The following VPS13A variants were observed in gnomAD, a reference collection of about 807,000 sequenced individuals.
VPS13A encodes intermembrane lipid transfer protein VPS13A.
Under a neutral mutation model 390.9 loss-of-function variants are expected in VPS13A, and 264 were observed. The ratio of observed to expected loss-of-function variants is 0.68; its 90% CI spans 0.61 to 0.75. VPS13A has a LOEUF of 0.75. VPS13A is among the 30% of genes least tolerant of loss of function. The pLI, the probability that VPS13A is intolerant of heterozygous loss-of-function variation, is 0.00. For synonymous variants in VPS13A, 1,231 were observed against 1,227.1 expected (o/e 1.00, Z -0.07); for missense variants, 3,409 against 3,733.9 (o/e 0.91, Z 2.27).
At chr9:77,323,333 C>A in intron 45 of VPS13A, 106 bp downstream of exon 45, 2 of 1,335,474 alleles carry the variant, frequency 1.5e-6, no homozygotes, top group Non-Finnish European at 2.1e-6. Context: ...TAAACCGTAA[C>A]AGTAATACAG....
intron 70 of VPS13A, 134 bp downstream of exon 70, chr9:77,406,121 G>GCTAT (rs1176135978): frequency 2.7e-5 from 31 of 1,165,544 alleles, no homozygotes; most frequent in East Asian, 2.2e-4. Flanking sequence ...CCTTATACCT[G>GCTAT]CTATCTTACC....
At chr9:77,322,704 A>T (rs1829816615) in intron 44 of VPS13A, among the ~76,000 whole-genome samples, 1 of 152,080 alleles carries the variant, frequency 6.6e-6, no homozygotes, top group Admixed American at 6.5e-5. Flanking sequence ...AAAATTAAAA[A>T]CAAAAATTGT....
intron 17 of VPS13A, among the ~76,000 whole-genome samples, chr9:77,235,358 G>C (rs1438441292): frequency 2.0e-5 from 3 of 152,076 alleles, no homozygotes; most frequent in Admixed American, 6.6e-5. Context: ...AGTGCTTTAA[G>C]TACATGATCT....
intron 1 of VPS13A, among the ~76,000 whole-genome samples, chr9:77,197,364 C>T (rs1433899334): frequency 6.6e-6 from 1 of 152,134 alleles, no homozygotes; most frequent in East Asian, 1.9e-4. Flanking sequence ...GTATTGAAGC[C>T]TTCTACTGCT....
rs140968897 is a variant in VPS13A, at chr9:77,191,444, C to T, written c.101-8501C>T. On this transcript the variant is annotated intron_variant, in intron 1 of 71. Transcript: ENST00000360280. ...CTGAGTAGCTGGGACTGCAGGTGTG[C>T]ACTCCTACACCTGGCTAATTTTTTT... Among the ~76,000 whole-genome samples the T allele has an allele frequency of 6.9e-4, 105 of 151,900 alleles. 2 individuals carry two copies. The South Asian group carries it at 0.022, about 31-fold the overall frequency.
intron 56 of VPS13A, 71 bp downstream of exon 56, chr9:77,357,909 A>G (rs1831907260): frequency 7.6e-7 from 1 of 1,319,268 alleles, no homozygotes; most frequent in Non-Finnish European, 1.1e-6. Context: ...ATCTATTCCC[A>G]TGGTCTGCTT....
rs1835169711 is a variant in VPS13A at position 77,416,339 on chromosome 9, A to C, written c.*333A>C. ...CATCTTTTTCTCTGTAATGGTGGAGAGGCTGCCCATAATTCATCTCCACAT... is the reference window on the plus strand; with the variant it reads ...CATCTTTTTCTCTGTAATGGTGGAGCGGCTGCCCATAATTCATCTCCACAT... On this transcript the variant is annotated 3_prime_UTR_variant, in exon 72 of 72. Coordinates refer to ENST00000360280, the MANE Select transcript of VPS13A (RefSeq NM_033305.3). 1 of 277,192 alleles carries C rather than the reference A, an allele frequency of 3.6e-6. No homozygotes were observed. Among genetic ancestry groups the C allele is most frequent in the Non-Finnish European group, 7.0e-6 (1 of 142,038 alleles). The allele number at this position is 277,192 out of a possible 1,614,324, so 17.2% of individuals were successfully genotyped here.
At chr9:77,232,164 G>A (rs977823076) in intron 17 of VPS13A, among the ~76,000 whole-genome samples, 2 of 152,066 alleles carry the variant, frequency 1.3e-5, no homozygotes, top group Admixed American at 1.3e-4. Flanking sequence ...TTTGATTACT[G>A]CAGATTTTTA....
At chr9:77,232,009 C>T (rs144375421) in intron 17 of VPS13A, among the ~76,000 whole-genome samples, 119 of 152,278 alleles carry the variant, frequency 7.8e-4, no homozygotes, top group South Asian at 2.7e-3. Flanking sequence ...AGACACTATT[C>T]TTTCCTCAAT....
chr9:77,272,229 C>T lies in VPS13A; in HGVS notation c.2428-1051C>T, dbSNP rs140884108. ...GATATAATTTGAAATCTTTGAACAC[C>T]CTAAGCATTGTGAGGATATGGAGAG... On this transcript the variant is annotated intron_variant, in intron 23 of 71. Coordinates refer to ENST00000360280, the MANE Select transcript of VPS13A (RefSeq NM_033305.3). Among the ~76,000 whole-genome samples the T allele has an allele frequency of 7.8e-4, 118 of 152,158 alleles. 1 individual carries two copies. Among genetic ancestry groups the T allele is most frequent in the African/African-American group, 2.7e-3 (113 of 41,510 alleles).
chr9:77,302,952 G>T lies in VPS13A; in HGVS notation c.3850G>T (p.Asp1284Tyr), dbSNP rs527383410. Residue 1284 changes from aspartate (D) to tyrosine (Y), a missense_variant, in exon 34 of 72, where the codon GAT becomes TAT. By Grantham distance (160) the Asp-to-Tyr change is radical. Transcript: ENST00000360280. Reference sequence around the variant, plus strand: ...TAATGATGCATACCAGGAAGTACTGGATCTACTCCTGCCATTAAATCTTGA... The same window carrying T: ...TAATGATGCATACCAGGAAGTACTGTATCTACTCCTGCCATTAAATCTTGA... ...FINDAYQEVL[D>Y]LLLPLNLEVV... is the part of the protein sequence containing the mutation. 2.5e-6 allele frequency: 4 copies of T among 1,613,886 alleles called. No individual in the cohort carries two copies. Among genetic ancestry groups the T allele is most frequent in the East Asian group, 2.2e-5 (1 of 44,828 alleles).
intron 69 of VPS13A, among the ~76,000 whole-genome samples, chr9:77,405,422 T>A (rs1229998794): frequency 6.6e-6 from 1 of 152,224 alleles, no homozygotes; most frequent in Non-Finnish European, 1.5e-5. Context: ...TGTACCCTGT[T>A]TCTTATGAAG....
intron 68 of VPS13A, among the ~76,000 whole-genome samples, chr9:77,393,645 G>C (rs1230546261): frequency 6.6e-6 from 1 of 152,214 alleles, no homozygotes; most frequent in Non-Finnish European, 1.5e-5. Context: ...CTTCATCAGA[G>C]CTCTTGAGCC....
chr9:77,319,509 C>T, intron 41 of VPS13A, 63 bp from the exon 42 acceptor site: 1 of 1,136,142 alleles, frequency 8.8e-7, no homozygotes, highest in South Asian at 1.3e-5. Context: ...AATAACAGGG[C>T]TAAAAAACAT....
At chr9:77,351,036 T>G in intron 52 of VPS13A, 1 of 347,016 alleles carries the variant, frequency 2.9e-6, no homozygotes, top group South Asian at 2.5e-5. Context: ...GGAATAATTT[T>G]CCATAATTAA....
At position 77,307,824 on chromosome 9, in the gene VPS13A, T is replaced by G. The variant is rs1828849171; in HGVS notation, c.3961-121T>G. The G allele has an allele frequency of 7.6e-6, 6 of 787,308 alleles. 1 individual carries two copies. In the South Asian group the frequency reaches 1.1e-4, roughly 14 times the overall value. The allele number at this position is 787,308 out of a possible 1,614,324, so 48.8% of individuals were successfully genotyped here. A position where few individuals can be genotyped will look rare whatever the true frequency, so the allele number is the denominator to read the frequency against. On this transcript the variant is annotated intron_variant, in intron 34 of 71. Transcript: ENST00000360280. ...TGAATATTCAGTTTGTAAAAATGTT[T>G]AATTGGTGTGGTAGAGGATTGAAAC...
chr9:77,329,957 CTT>C (rs1830202132), intron 45 of VPS13A, among the ~76,000 whole-genome samples: 1 of 152,072 alleles, frequency 6.6e-6, no homozygotes, highest in Non-Finnish European at 1.5e-5. Flanking sequence ...TAGTCATAAA[CTT>C]TAGGAATTGT....
intron 58 of VPS13A, among the ~76,000 whole-genome samples, chr9:77,360,310 ACT>A (rs1832070935): frequency 6.6e-6 from 1 of 151,850 alleles, no homozygotes; most frequent in South Asian, 2.1e-4. Context: ...CTGTTTTATG[ACT>A]CTGTATGACA....
intron 1 of VPS13A, among the ~76,000 whole-genome samples, chr9:77,181,210 T>G (rs1479503319): frequency 1.3e-5 from 2 of 151,988 alleles, no homozygotes; most frequent in Non-Finnish European, 2.9e-5. Flanking sequence ...TTAAAAACAT[T>G]GTTTGAAAAT....
Sources: gnomAD v4.1 joint callset for allele counts (sites outside exome capture counted in the v4.1 genomes callset) on GRCh38, gnomAD v4.1.1 for gene constraint, MANE v1.5 for transcripts, NCBI Gene and HGNC (gene_info 2026-07-23, HGNC 2026-07-21) for gene names.